The following EFCAB8 variants were observed in gnomAD, a reference collection of about 807,000 sequenced individuals.
EFCAB8 encodes the protein EF-hand calcium binding domain 8.
Under a neutral mutation model 116.3 loss-of-function variants are expected in EFCAB8, and 100 were observed. The observed-to-expected ratio is 0.86, with a 90% CI of 0.73 to 1.02. The LOEUF (loss-of-function observed/expected upper bound fraction) is 1.02, where lower values mean the gene tolerates loss of function less well. Ranked by LOEUF, EFCAB8 falls within the 50% of genes least tolerant of loss-of-function variation. The pLI is 0.00. For synonymous variants in EFCAB8, 558 were observed against 567.9 expected (o/e 0.98, Z 0.25); for missense variants, 1,320 against 1,416.9 (o/e 0.93, Z 1.10).
intron 23 of EFCAB8, among the ~76,000 whole-genome samples, chr20:32,950,399 C>A (rs190654062): frequency 9.1e-4 from 138 of 152,268 alleles, no homozygotes; most frequent in African/African-American, 3.2e-3. Context: ...TTTGAAGAGA[C>A]TTCACTGTAA....
intron 5 of EFCAB8, among the ~76,000 whole-genome samples, chr20:32,883,848 A>G (rs1985471403): frequency 6.6e-6 from 1 of 151,902 alleles, no homozygotes; most frequent in Non-Finnish European, 1.5e-5. Flanking sequence ...GTGCTACCAC[A>G]CCTGGCTAAT....
At chr20:32,891,614 G>A (rs981755654) in intron 7 of EFCAB8, among the ~76,000 whole-genome samples, 1 of 152,234 alleles carries the variant, frequency 6.6e-6, no homozygotes, top group Non-Finnish European at 1.5e-5. Context: ...AAAAGCAGAG[G>A]TGGAAGTGGC....
chr20:32,906,439 G>T, intron 11 of EFCAB8, 123 bp from the exon 12 acceptor site: 5 of 662,906 alleles, frequency 7.5e-6, no homozygotes, highest in Non-Finnish European at 1.4e-5. Context: ...GAGAGGTAGT[G>T]ACTCCTCCCT....
intron 19 of EFCAB8, among the ~76,000 whole-genome samples, chr20:32,918,806 C>T (rs774155392): frequency 2.6e-5 from 4 of 152,178 alleles, no homozygotes; most frequent in African/African-American, 9.7e-5. Context: ...ATGGCTAATA[C>T]CAGCCCTAAA....
chr20:32,933,277 T>C (rs185992189), intron 22 of EFCAB8, among the ~76,000 whole-genome samples: 1 of 152,360 alleles, frequency 6.6e-6, no homozygotes, highest in Non-Finnish European at 1.5e-5. Context: ...ATTGGGATTA[T>C]ATTGTATGTA....
chr20:32,948,498 A>T (rs1482371759), intron 23 of EFCAB8, among the ~76,000 whole-genome samples: 1 of 150,864 alleles, frequency 6.6e-6, no homozygotes, highest in Admixed American at 6.6e-5. Flanking sequence ...CCAAAATCTG[A>T]CAAAGACGTT....
intron 9 of EFCAB8, 25 bp from the exon 10 acceptor site, chr20:32,896,428 TG>T: frequency 1.4e-6 from 1 of 718,186 alleles, no homozygotes; most frequent in East Asian, 2.7e-5. Flanking sequence ...GCTGCTGATG[TG>T]GACCTTGGTT....
intron 16 of EFCAB8, among the ~76,000 whole-genome samples, chr20:32,912,415 A>G (rs1208219709): frequency 1.4e-5 from 2 of 145,756 alleles, no homozygotes; most frequent in Admixed American, 7.0e-5. Flanking sequence ...CTGGGCAGCA[A>G]GAGTGAAACT....
chr20:32,913,133 G>T (rs1230709351), intron 17 of EFCAB8, among the ~76,000 whole-genome samples: 3 of 152,188 alleles, frequency 2.0e-5, no homozygotes, highest in African/African-American at 7.2e-5. Context: ...TTCAGTGGGG[G>T]AATGTCTTAG....
intron 2 of EFCAB8, among the ~76,000 whole-genome samples, chr20:32,866,316 C>A (rs1427463238): frequency 2.6e-5 from 4 of 152,184 alleles, no homozygotes; most frequent in Admixed American, 1.3e-4. Flanking sequence ...GTGTTTTCAA[C>A]TTCCCAAGGC....
chr20:32,868,691 A>C lies in EFCAB8; in HGVS notation c.208+944A>C, dbSNP rs142615410. Among the ~76,000 whole-genome samples the C allele has an allele frequency of 1.4e-4, 21 of 152,206 alleles. No individual in the cohort carries two copies. In the East Asian group the frequency reaches 4.1e-3, roughly 29 times the overall value. On this transcript the variant is annotated intron_variant, in intron 3 of 26. Coordinates refer to ENST00000400522, the MANE Select transcript of EFCAB8 (RefSeq NM_001143967.2). ...TCAGGCTCTCACAAGGCTGCAATCA[A>C]GTTGTTGGCTGGGACCGGTGTGGTG...
intron 22 of EFCAB8, among the ~76,000 whole-genome samples, chr20:32,936,797 C>A (rs889792527): frequency 6.6e-6 from 1 of 152,066 alleles, no homozygotes; most frequent in Non-Finnish European, 1.5e-5. Flanking sequence ...TAGCCAGGGT[C>A]TTTTATGATT....
chr20:32,864,234 C>T (rs951128185), intron 2 of EFCAB8, among the ~76,000 whole-genome samples: 2 of 151,838 alleles, frequency 1.3e-5, no homozygotes, highest in African/African-American at 2.4e-5. Flanking sequence ...CTCAGCCTCC[C>T]AAAGTGCTGG....
At chr20:32,929,352 G>A (rs1384740135) in intron 20 of EFCAB8, among the ~76,000 whole-genome samples, 1 of 151,992 alleles carries the variant, frequency 6.6e-6, no homozygotes, top group Admixed American at 6.6e-5. Context: ...CCTGGCACCG[G>A]GGCCAGTGGG....
At chr20:32,917,110 C>A in intron 17 of EFCAB8, 191 bp from the exon 18 acceptor site, 1 of 590,994 alleles carries the variant, frequency 1.7e-6, no homozygotes, top group Non-Finnish European at 3.0e-6. Context: ...TACAACAGGG[C>A]CTTTGTAGAA....
At chr20:32,896,633 C>T in intron 10 of EFCAB8, 106 bp downstream of exon 10, 1 of 661,882 alleles carries the variant, frequency 1.5e-6, no homozygotes, top group Non-Finnish European at 2.8e-6. Context: ...TCAGTCTTAG[C>T]CCTTGGGGTT....
At chr20:32,920,306 C>T (rs923661145) in intron 20 of EFCAB8, 91 bp downstream of exon 20, 65 of 1,479,702 alleles carry the variant, frequency 4.4e-5, no homozygotes, top group Non-Finnish European at 5.4e-5. Context: ...GGCCTGGGCT[C>T]GGGGCCCGGC....
intron 11 of EFCAB8, among the ~76,000 whole-genome samples, chr20:32,900,415 C>G (rs139612590): frequency 0.015 from 2,282 of 152,148 alleles, 24 homozygotes; most frequent in Non-Finnish European, 0.023. Context: ...GGCTGGAGTG[C>G]AGTGGCGCAA....
chr20:32,879,385 C>G (rs749331771), intron 5 of EFCAB8, among the ~76,000 whole-genome samples: 2 of 152,310 alleles, frequency 1.3e-5, no homozygotes, highest in South Asian at 4.1e-4. Context: ...TCTGCTCACT[C>G]CTCCTCCTCG....
Sources: allele counts gnomAD v4.1 joint callset (sites outside exome capture counted in the v4.1 genomes callset), GRCh38; gene constraint gnomAD v4.1.1; transcripts MANE v1.5; gene names NCBI Gene and HGNC (gene_info 2026-07-23, HGNC 2026-07-21).